The following FMN1 variants were observed in gnomAD, a reference collection of about 807,000 sequenced individuals.
FMN1 encodes the protein formin 1.
In FMN1, 110 loss-of-function variants were observed where a neutral mutation model predicts 132.4. The ratio of observed to expected loss-of-function variants is 0.83; its 90% CI spans 0.71 to 0.97. The LOEUF (loss-of-function observed/expected upper bound fraction) is 0.97. FMN1 is among the 50% of genes least tolerant of loss of function. FMN1 has a pLI of 0.00. For synonymous variants in FMN1, 722 were observed against 651.7 expected, an observed-to-expected ratio of 1.11 and a Z score of -1.64; for missense variants, 1,792 against 1,705.3, an observed-to-expected ratio of 1.05 and a Z score of -0.90.
chr15:32,927,249 A>C (rs757119212), intron 9 of FMN1, among the ~76,000 whole-genome samples: 1 of 152,166 alleles, frequency 6.6e-6, no homozygotes, highest in Non-Finnish European at 1.5e-5. Flanking sequence ...ACAAAGCTCT[A>C]GTTTTAAATT....
intron 9 of FMN1, among the ~76,000 whole-genome samples, chr15:32,958,582 A>ATACG (rs545379441): frequency 2.8e-4 from 42 of 152,138 alleles, no homozygotes; most frequent in African/African-American, 1.0e-3. Context: ...ACATACATAC[A>ATACG]TACATACATG....
intron 9 of FMN1, among the ~76,000 whole-genome samples, chr15:32,944,951 T>C (rs2061477684): frequency 6.6e-6 from 1 of 152,190 alleles, no homozygotes; most frequent in Admixed American, 6.5e-5. Flanking sequence ...GAACCAGAGC[T>C]ACCAAAGCTT....
intron 6 of FMN1, among the ~76,000 whole-genome samples, chr15:33,050,122 T>C (rs1037442664): frequency 2.0e-5 from 3 of 152,210 alleles, no homozygotes; most frequent in African/African-American, 7.2e-5. Context: ...GTTCTGAGCA[T>C]ATTTAAGGTA....
intron 8 of FMN1, among the ~76,000 whole-genome samples, chr15:32,965,598 G>C (rs1458673396): frequency 6.6e-6 from 1 of 152,064 alleles, no homozygotes; most frequent in African/African-American, 2.4e-5. Flanking sequence ...TAATACTACA[G>C]GTGATTTTGG....
At chr15:33,193,496 T>C (rs1317563433) in intron 2 of FMN1, among the ~76,000 whole-genome samples, 1 of 152,014 alleles carries the variant, frequency 6.6e-6, no homozygotes, top group African/African-American at 2.4e-5. Flanking sequence ...TATGCAAACA[T>C]GAATAGTAAA....
intron 19 of FMN1, among the ~76,000 whole-genome samples, chr15:32,781,855 G>C (rs991593876): frequency 2.0e-4 from 31 of 152,188 alleles, no homozygotes; most frequent in African/African-American, 7.2e-4. Flanking sequence ...TGTGATTACT[G>C]ATCAAGCATC....
At chr15:32,870,410 G>C (rs1348563113) in intron 16 of FMN1, among the ~76,000 whole-genome samples, 1 of 152,204 alleles carries the variant, frequency 6.6e-6, no homozygotes, top group Non-Finnish European at 1.5e-5. Context: ...GAGGGAGGCT[G>C]CCCAAGATCA....
chr15:33,126,946 CAAA>C (rs1963140001), intron 4 of FMN1, among the ~76,000 whole-genome samples: 1 of 152,194 alleles, frequency 6.6e-6, no homozygotes, highest in Admixed American at 6.5e-5. Flanking sequence ...TGACTCCTGA[CAAA>C]GAACTGTGGT....
chr15:32,913,603 C>T (rs2060615259), intron 10 of FMN1, among the ~76,000 whole-genome samples: 1 of 152,166 alleles, frequency 6.6e-6, no homozygotes, highest in Admixed American at 6.5e-5. Flanking sequence ...GAAGGACATC[C>T]TTTGACCCTC....
chr15:33,076,431 T>TC (rs2038211857), intron 5 of FMN1, among the ~76,000 whole-genome samples: 1 of 152,226 alleles, frequency 6.6e-6, no homozygotes, highest in South Asian at 2.1e-4. Flanking sequence ...GTAAAAGTTA[T>TC]CTTGAGAATA....
intron 17 of FMN1, among the ~76,000 whole-genome samples, chr15:32,815,438 T>C (rs1046426263): frequency 4.6e-5 from 7 of 152,194 alleles, no homozygotes; most frequent in Non-Finnish European, 1.0e-4. Flanking sequence ...CTGATGATTA[T>C]CTATGATATT....
intron 1 of FMN1, 63 bp downstream of exon 1, chr15:33,194,515 C>T (rs1263067120): frequency 5.2e-5 from 8 of 152,942 alleles, no homozygotes; most frequent in Non-Finnish European, 1.0e-4. Context: ...GCGGAGCAGG[C>T]AGCCTTTGGT....
At chr15:32,963,640 T>C (rs2030857588) in intron 9 of FMN1, among the ~76,000 whole-genome samples, 1 of 152,204 alleles carries the variant, frequency 6.6e-6, no homozygotes, top group Non-Finnish European at 1.5e-5. Context: ...GGTAAACCCC[T>C]AGGAAATACT....
At chr15:32,793,505 G>T (rs940251911) in intron 19 of FMN1, among the ~76,000 whole-genome samples, 1 of 151,936 alleles carries the variant, frequency 6.6e-6, no homozygotes, top group Non-Finnish European at 1.5e-5. Flanking sequence ...GATCTTGAAC[G>T]CCTGACCTCA....
intron 16 of FMN1, among the ~76,000 whole-genome samples, chr15:32,879,031 TCTC>T (rs1042635395): frequency 1.1e-4 from 17 of 152,246 alleles, no homozygotes; most frequent in African/African-American, 4.1e-4. Context: ...CAGTTTCCTC[TCTC>T]CTTTCTGTAC....
chr15:33,036,841 A>T (rs1221225938), intron 6 of FMN1, among the ~76,000 whole-genome samples: 1 of 152,254 alleles, frequency 6.6e-6, no homozygotes, highest in Non-Finnish European at 1.5e-5. Flanking sequence ...CTCACAGTGC[A>T]AGTGCCAGAA....
chr15:33,090,811 C>T (rs2038877016), intron 4 of FMN1, among the ~76,000 whole-genome samples: 1 of 152,172 alleles, frequency 6.6e-6, no homozygotes, highest in African/African-American at 2.4e-5. Flanking sequence ...AGCACCTTTG[C>T]TTTATGCTCA....
chr15:32,808,519 T>A (rs1028370799), intron 17 of FMN1, among the ~76,000 whole-genome samples: 4 of 152,176 alleles, frequency 2.6e-5, no homozygotes, highest in Non-Finnish European at 4.4e-5. Context: ...GGAAAGAGCT[T>A]GGGTTTTGCA....
At chr15:32,837,055 C>A in intron 17 of FMN1, 1 of 230,630 alleles carries the variant, frequency 4.3e-6, no homozygotes, top group South Asian at 8.2e-5. Flanking sequence ...TCATCCTTCT[C>A]ACTCTGCTAC....
Sources: gnomAD v4.1 joint callset for allele counts (sites outside exome capture counted in the v4.1 genomes callset) on GRCh38, gnomAD v4.1.1 for gene constraint, MANE v1.5 for transcripts, NCBI Gene and HGNC (gene_info 2026-07-23, HGNC 2026-07-21) for gene names.